The following RCAN2 variants were observed in gnomAD, a reference collection of about 807,000 sequenced individuals.
The protein encoded by RCAN2 is regulator of calcineurin 2, also known as calcipressin-2.
A neutral mutation model predicts 23.6 loss-of-function variants in RCAN2; 9 were observed. The observed-to-expected ratio is 0.38, with a 90% confidence interval of 0.23 to 0.67. The LOEUF (loss-of-function observed/expected upper bound fraction) is 0.67, where lower values mean the gene tolerates loss of function less well. Ranked by LOEUF, RCAN2 falls within the 30% of genes least tolerant of loss-of-function variation. RCAN2 has a pLI of 0.51. For synonymous variants in RCAN2, 109 were observed against 115.7 expected, an observed-to-expected ratio of 0.94 and a Z score of 0.37; for missense variants, 273 against 302.3, an observed-to-expected ratio of 0.90 and a Z score of 0.72.
At chr6:46,244,590 C>A (rs527520703) in intron 4 of RCAN2, among the ~76,000 whole-genome samples, 1 of 152,370 alleles carries the variant, frequency 6.6e-6, no homozygotes, top group Non-Finnish European at 1.5e-5. Flanking sequence ...ATCAGCTCCA[C>A]ATGAGTGAGC....
intron 1 of RCAN2, chr6:46,468,905 CCTTAA>C: frequency 1.1e-6 from 1 of 926,690 alleles, no homozygotes; most frequent in Non-Finnish European, 1.3e-6. Flanking sequence ...ATTCTCTCCT[CCTTAA>C]CTTTACTTGT....
chr6:46,246,874 G>A lies in RCAN2; in HGVS notation c.445C>T (p.Pro149Ser). 6.2e-7 allele frequency: 1 copy of A among 1,605,602 alleles called. No individual in the cohort carries two copies. The highest frequency in any genetic ancestry group is 8.5e-7 in the Non-Finnish European group (1 of 1,175,132). ...ATGAGAAACTGTTTGGCAGGCTGGG[G>A]TGGAGCCAAGTGCAGTTTGTCTCCA... Reference protein sequence around the residue: ...TDGDKLHLAPPQPAKQFLISP... With the variant: ...TDGDKLHLAPSQPAKQFLISP... The change falls in exon 4 of 5, where the codon CCC (proline) becomes TCC (serine). Residue 149 changes from proline (P) to serine (S), a missense_variant. Physicochemically the swap from Pro to Ser is moderately conservative, Grantham distance 74. Transcript: ENST00000371374.
At chr6:46,279,915 T>C (rs553761845) in intron 2 of RCAN2, among the ~76,000 whole-genome samples, 1 of 152,316 alleles carries the variant, frequency 6.6e-6, no homozygotes, top group East Asian at 1.9e-4. Context: ...AGCTAGTGCA[T>C]ATAAAGTGAT....
chr6:46,224,756 A>G (rs1765591490), intron 4 of RCAN2, among the ~76,000 whole-genome samples: 1 of 151,954 alleles, frequency 6.6e-6, no homozygotes, highest in African/African-American at 2.4e-5. Flanking sequence ...GTAAGCCTTA[A>G]TGGTGCAAAT....
At chr6:46,383,904 G>A (rs933501692) in intron 2 of RCAN2, among the ~76,000 whole-genome samples, 2 of 152,002 alleles carry the variant, frequency 1.3e-5, no homozygotes, top group Admixed American at 6.6e-5. Flanking sequence ...TTCTCACTGG[G>A]CCCTGCCTTC....
Position 46,283,744 on chromosome 6 carries a change from C to T in RCAN2, c.226-34848G>A, listed in dbSNP as rs926281039. ...CCTGGTTAACTGAGATATTAGAATA[C>T]TTTCCCATTTTATTATGAGGTTTTA... On this transcript the variant is annotated intron_variant, in intron 2 of 4. Coordinates refer to ENST00000371374, the MANE Select transcript of RCAN2 (RefSeq NM_001251974.2). 2.6e-5 allele frequency among the ~76,000 whole-genome samples: 4 copies of T among 152,224 alleles called. No homozygotes were observed. The East Asian group carries it at 7.7e-4, about 29-fold the overall frequency.
chr6:46,352,724 T>C (rs1417711857), intron 2 of RCAN2, among the ~76,000 whole-genome samples: 2 of 151,976 alleles, frequency 1.3e-5, no homozygotes, highest in Non-Finnish European at 2.9e-5. Context: ...AAACAGGAAG[T>C]TGTCAGGGGA....
intron 2 of RCAN2, among the ~76,000 whole-genome samples, chr6:46,300,291 C>G (rs1414583881): frequency 6.6e-6 from 1 of 151,818 alleles, no homozygotes; most frequent in Non-Finnish European, 1.5e-5. Flanking sequence ...AAAAGCAACA[C>G]TCAACTACAT....
chr6:46,311,974 C>G (rs1183936119), intron 2 of RCAN2, among the ~76,000 whole-genome samples: 1 of 152,170 alleles, frequency 6.6e-6, no homozygotes, highest in African/African-American at 2.4e-5. Flanking sequence ...TTCTCATTTT[C>G]TGTCCAGTTG....
At chr6:46,428,576 G>A (rs1165607195) in intron 2 of RCAN2, among the ~76,000 whole-genome samples, 1 of 152,210 alleles carries the variant, frequency 6.6e-6, no homozygotes, top group East Asian at 1.9e-4. Context: ...AGAATCTCCA[G>A]TCTCTGACCT....
intron 2 of RCAN2, among the ~76,000 whole-genome samples, chr6:46,400,696 C>A (rs920944218): frequency 6.6e-6 from 1 of 152,126 alleles, no homozygotes; most frequent in East Asian, 1.9e-4. Flanking sequence ...CCAGAAATTC[C>A]AGGGTATTTT....
chr6:46,276,707 G>A (rs2150336309), intron 2 of RCAN2, among the ~76,000 whole-genome samples: 1 of 152,334 alleles, frequency 6.6e-6, no homozygotes, highest in South Asian at 2.1e-4. Context: ...TTAAACTGCA[G>A]TCACACTTTT....
At chr6:46,487,031 C>A (rs528297460) in intron 1 of RCAN2, among the ~76,000 whole-genome samples, 48 of 152,296 alleles carry the variant, frequency 3.2e-4, no homozygotes, top group Middle Eastern at 3.4e-3. Context: ...ACAGTGAACA[C>A]TTTACAGGCA....
chr6:46,453,807 G>A (rs576349844), intron 2 of RCAN2, among the ~76,000 whole-genome samples: 1 of 152,256 alleles, frequency 6.6e-6, no homozygotes, highest in African/African-American at 2.4e-5. Flanking sequence ...ATAATTGCAA[G>A]ACAAAGGCTA....
intron 2 of RCAN2, among the ~76,000 whole-genome samples, chr6:46,372,891 A>G (rs1487736766): frequency 6.6e-6 from 1 of 152,242 alleles, no homozygotes; most frequent in East Asian, 1.9e-4. Flanking sequence ...ACTAAATGGT[A>G]TTTCAGATCT....
intron 2 of RCAN2, among the ~76,000 whole-genome samples, chr6:46,403,820 T>TC (rs1360713548): frequency 6.6e-6 from 1 of 152,196 alleles, no homozygotes; most frequent in Non-Finnish European, 1.5e-5. Flanking sequence ...TATAAAAAAC[T>TC]CCTTGGATAA....
At chr6:46,370,528 T>C (rs1238589619) in intron 2 of RCAN2, among the ~76,000 whole-genome samples, 2 of 152,166 alleles carry the variant, frequency 1.3e-5, no homozygotes, top group Non-Finnish European at 2.9e-5. Context: ...GGAGGTAGTT[T>C]TGCATTTCCG....
chr6:46,356,188 A>G (rs1476448975), intron 2 of RCAN2, among the ~76,000 whole-genome samples: 2 of 152,214 alleles, frequency 1.3e-5, no homozygotes, highest in African/African-American at 2.4e-5. Context: ...AAGAGGGAAC[A>G]GTCTATAGGC....
At chr6:46,327,475 A>AG (rs1319128064) in intron 2 of RCAN2, among the ~76,000 whole-genome samples, 1 of 152,242 alleles carries the variant, frequency 6.6e-6, no homozygotes, top group Admixed American at 6.5e-5. Context: ...GAAGTATACA[A>AG]GGCAGCCGGA....
Sources: gnomAD v4.1 joint callset for allele counts (sites outside exome capture counted in the v4.1 genomes callset) on GRCh38, gnomAD v4.1.1 for gene constraint, MANE v1.5 for transcripts, NCBI Gene and HGNC (gene_info 2026-07-23, HGNC 2026-07-21) for gene names.